MARCO: variants seen among roughly 807,000 people sequenced by gnomAD.
MARCO encodes the protein macrophage receptor with collagenous structure.
Under a neutral mutation model 70.0 loss-of-function variants are expected in MARCO, and 72 were observed. The observed-to-expected ratio is 1.03, with a 90% CI of 0.85 to 1.25. MARCO has a LOEUF of 1.25. MARCO is among the 50% of genes most tolerant of loss of function. The pLI is 0.00. For missense variants in MARCO, 696 were observed against 659.3 expected, an observed-to-expected ratio of 1.06 and a Z score of -0.61; for synonymous variants, 273 against 243.1, an observed-to-expected ratio of 1.12 and a Z score of -1.14.
intron 12 of MARCO, among the ~76,000 whole-genome samples, chr2:118,982,992 G>A (rs1435813878): frequency 2.6e-5 from 4 of 152,216 alleles, no homozygotes; most frequent in African/African-American, 9.6e-5. Flanking sequence ...CAGTCACAGT[G>A]TGCTTGCTTG....
rs1277700236 is a variant in MARCO, at chr2:118,942,353, A to G, written c.53A>G (p.Gln18Arg). Residue 18 changes from glutamine to arginine, a missense_variant, in exon 1 of 17, where the codon CAA becomes CGA. Transcript: ENST00000327097. Reference protein sequence around the residue: ...KEDELLSETQQAAFHQIAMEP... With the variant: ...KEDELLSETQRAAFHQIAMEP... Reference sequence around the variant, plus strand: ...GACGAGCTCTTGAGTGAGACCCAACAAGCTGCTTTTCACCAAATTGCAATG... The same window carrying G: ...GACGAGCTCTTGAGTGAGACCCAACGAGCTGCTTTTCACCAAATTGCAATG... The G allele has an allele frequency of 6.2e-7, 1 of 1,613,822 alleles. No individual in the cohort carries two copies. Among genetic ancestry groups the G allele is most frequent in the Non-Finnish European group, 8.5e-7 (1 of 1,179,880 alleles).
intron 12 of MARCO, among the ~76,000 whole-genome samples, chr2:118,985,027 A>G (rs1052242487): frequency 1.3e-5 from 2 of 152,144 alleles, no homozygotes; most frequent in Admixed American, 6.5e-5. Flanking sequence ...TATTTTAAAA[A>G]CATGAGCGGT....
chr2:118,992,889 A>G, intron 15 of MARCO: 1 of 501,022 alleles, frequency 2.0e-6, no homozygotes, highest in Non-Finnish European at 3.5e-6. Context: ...TTTGCAAACC[A>G]GCCACAGGGG....
intron 1 of MARCO, among the ~76,000 whole-genome samples, chr2:118,966,763 C>T (rs1467596612): frequency 6.6e-6 from 1 of 152,216 alleles, no homozygotes; most frequent in Non-Finnish European, 1.5e-5. Flanking sequence ...ATTTACCTTT[C>T]CATTCCCATG....
chr2:118,945,698 C>T (rs1679585151), intron 1 of MARCO, among the ~76,000 whole-genome samples: 1 of 152,132 alleles, frequency 6.6e-6, no homozygotes, highest in Non-Finnish European at 1.5e-5. Flanking sequence ...CAGGCATGAG[C>T]CACCTACCTG....
At position 118,969,323 on chromosome 2, in the gene MARCO, C is replaced by G. The variant is rs1680116836; in HGVS notation, c.199+62C>G. On this transcript the variant is annotated intron_variant, in intron 2 of 16. Transcript: ENST00000327097. ...GGGAGAGGGGTGACCCAGCTGGGCC[C>G]CTCAGATGAAGGGCTCAGGTTGAGT... is the stretch of plus-strand genomic sequence containing the variant. 5.2e-6 allele frequency: 7 copies of G among 1,344,766 alleles called. No homozygotes were observed. In the South Asian group the frequency reaches 8.2e-5, roughly 16 times the overall value. The allele number at this position is 1,344,766 out of a possible 1,614,324, so 83.3% of individuals were successfully genotyped here. A position where few individuals can be genotyped will look rare whatever the true frequency, so the allele number is the denominator to read the frequency against.
At chr2:118,964,032 T>G (rs1032754018) in intron 1 of MARCO, among the ~76,000 whole-genome samples, 2 of 152,218 alleles carry the variant, frequency 1.3e-5, no homozygotes, top group Non-Finnish European at 2.9e-5. Context: ...CTTAATGGTT[T>G]CTCTACTTAT....
intron 1 of MARCO, among the ~76,000 whole-genome samples, chr2:118,942,781 A>T (rs909926810): frequency 1.3e-5 from 2 of 152,344 alleles, no homozygotes; most frequent in Middle Eastern, 3.4e-3. Flanking sequence ...ACTGAAGCCA[A>T]GCATGACAGT....
intron 12 of MARCO, among the ~76,000 whole-genome samples, chr2:118,988,536 T>C (rs899922500): frequency 1.3e-5 from 2 of 152,022 alleles, no homozygotes; most frequent in African/African-American, 2.4e-5. Flanking sequence ...GAGGGTGCCA[T>C]GTTGCAGAAA....
chr2:118,942,381 G>A lies in MARCO; in HGVS notation c.81G>A (p.Glu27=). 1 of 1,612,970 alleles carries A rather than the reference G, an allele frequency of 6.2e-7. No homozygotes were observed. The highest frequency in any genetic ancestry group is 8.5e-7 in the Non-Finnish European group (1 of 1,179,042). The part of the protein sequence containing the change: ...QQAAFHQIAM[E]PFEINVPKPK... ...CTGCTTTTCACCAAATTGCAATGGA[G>A]CCTTTCGAAATCAATGGTAAAGTAC... The change falls in exon 1 of 17, where the codon GAG becomes GAA. Residue 27 remains glutamate (E), a synonymous_variant. Transcript: ENST00000327097.
chr2:118,956,896 TG>T (rs2104558492), intron 1 of MARCO, among the ~76,000 whole-genome samples: 1 of 152,268 alleles, frequency 6.6e-6, no homozygotes, highest in African/African-American at 2.4e-5. Flanking sequence ...GAATGAGGAT[TG>T]GGTCAAAAAT....
At chr2:118,986,736 AAGAG>A (rs1237317460) in intron 12 of MARCO, among the ~76,000 whole-genome samples, 1 of 149,472 alleles carries the variant, frequency 6.7e-6, no homozygotes, top group African/African-American at 2.5e-5. Flanking sequence ...GAAAGAAAGA[AAGAG>A]AAAGAAAGAG....
In MARCO at chr2:118,942,334, C is replaced by A; in HGVS notation, c.34C>A (p.Leu12Ile). The change falls in exon 1 of 17, where the codon CTC becomes ATC. Residue 12 changes from leucine to isoleucine, a missense_variant. By Grantham distance (5) the Leu-to-Ile change is conservative. Transcript: ENST00000327097. Reference sequence around the variant, plus strand: ...TAAGAAAATTCTCAAGGAGGACGAGCTCTTGAGTGAGACCCAACAAGCTGC... The same window carrying A: ...TAAGAAAATTCTCAAGGAGGACGAGATCTTGAGTGAGACCCAACAAGCTGC... ...RNKKILKEDE[L>I]LSETQQAAFH... 5.0e-6 allele frequency: 8 copies of A among 1,613,680 alleles called. No homozygotes were observed. The highest frequency in any genetic ancestry group is 6.8e-6 in the Non-Finnish European group (8 of 1,179,686).
chr2:118,983,355 C>G (rs116512209), intron 12 of MARCO, among the ~76,000 whole-genome samples: 1,535 of 152,328 alleles, frequency 0.01, 20 homozygotes, highest in African/African-American at 0.036. Flanking sequence ...CTCCACAGCT[C>G]TAATCAATTG....
intron 1 of MARCO, among the ~76,000 whole-genome samples, chr2:118,946,290 C>T (rs1679598521): frequency 6.6e-6 from 1 of 152,120 alleles, no homozygotes; most frequent in Non-Finnish European, 1.5e-5. Flanking sequence ...TATAGTTGTA[C>T]CAATTCTATG....
rs1283684440 is a variant in MARCO, at chr2:118,970,346, C to T, written c.424+8C>T. 1 of 1,601,020 alleles carries T rather than the reference C, an allele frequency of 6.2e-7. No individual in the cohort carries two copies. Among genetic ancestry groups the T allele is most frequent in the Admixed American group, 1.7e-5 (1 of 58,646 alleles). On this transcript the variant is annotated splice_region_variant and intron_variant, in intron 3 of 16. Coordinates refer to ENST00000327097, the MANE Select transcript of MARCO (RefSeq NM_006770.4). Reference sequence around the variant, plus strand: ...ACTTCACTCAGAACCCAGGTTTGGCCTCCTCCCCTCTGGGTCAGGACTTCT... The same window carrying T: ...ACTTCACTCAGAACCCAGGTTTGGCTTCCTCCCCTCTGGGTCAGGACTTCT...
At chr2:118,960,090 C>T (rs56140411) in intron 1 of MARCO, among the ~76,000 whole-genome samples, 19,392 of 151,086 alleles carry the variant, frequency 0.13, 1,371 homozygotes, top group South Asian at 0.27. Flanking sequence ...ACAACCTATA[C>T]CCCAATAACT....
At chr2:118,958,803 AAT>A (rs1679885821) in intron 1 of MARCO, among the ~76,000 whole-genome samples, 1 of 152,218 alleles carries the variant, frequency 6.6e-6, no homozygotes, top group Non-Finnish European at 1.5e-5. Context: ...CAGTATAAAA[AAT>A]AGCACATAGA....
intron 1 of MARCO, 152 bp downstream of exon 1, chr2:118,942,549 A>G (rs112839786): frequency 0.017 from 9,991 of 579,672 alleles, 143 homozygotes; most frequent in Non-Finnish European, 0.022. Flanking sequence ...GAGTGCTTCA[A>G]TTTGGAATTT....
Sources: allele counts gnomAD v4.1 joint callset (sites outside exome capture counted in the v4.1 genomes callset), GRCh38; gene constraint gnomAD v4.1.1; transcripts MANE v1.5; gene names NCBI Gene and HGNC (gene_info 2026-07-23, HGNC 2026-07-21).